MAP4: variants seen among roughly 807,000 people sequenced by gnomAD.
The protein encoded by MAP4 is microtubule-associated protein 4.
MAP4 carries 76 observed loss-of-function variants against 170.2 expected under a neutral mutation model. The ratio of observed to expected loss-of-function variants is 0.45; its 90% confidence interval spans 0.37 to 0.54. The LOEUF (loss-of-function observed/expected upper bound fraction) is 0.54. Ranked by LOEUF, MAP4 falls within the 20% of genes least tolerant of loss-of-function variation. The pLI is 0.00. For missense variants in MAP4, 2,506 were observed against 2,748.0 expected, an observed-to-expected ratio of 0.91 and a Z score of 1.97; for synonymous variants, 909 against 994.5, an observed-to-expected ratio of 0.91 and a Z score of 1.62.
chr3:48,003,201 T>C (rs541814435), intron 1 of MAP4, among the ~76,000 whole-genome samples: 1 of 152,004 alleles, frequency 6.6e-6, no homozygotes, highest in South Asian at 2.1e-4. Flanking sequence ...ACACCTGTAA[T>C]CCCAGCACTT....
At chr3:48,003,751 G>A (rs2100100613) in intron 1 of MAP4, among the ~76,000 whole-genome samples, 1 of 152,158 alleles carries the variant, frequency 6.6e-6, no homozygotes, top group South Asian at 2.1e-4. Context: ...GATCCTGGGT[G>A]TGTCTGTGAG....
At chr3:48,007,215 G>A (rs984409801) in intron 1 of MAP4, among the ~76,000 whole-genome samples, 1 of 152,184 alleles carries the variant, frequency 6.6e-6, no homozygotes, top group African/African-American at 2.4e-5. Flanking sequence ...AAATAAATCC[G>A]ACTAAAATTC....
At position 48,025,376 on chromosome 3, in the gene MAP4, C is replaced by T. The variant is rs150828718; in HGVS notation, c.-19-26497G>A. Among the ~76,000 whole-genome samples the T allele has an allele frequency of 3.9e-3, 584 of 151,060 alleles. 6 individuals carry two copies. Among genetic ancestry groups the T allele is most frequent in the African/African-American group, 0.014 (567 of 41,066 alleles). On this transcript the variant is annotated intron_variant, in intron 1 of 18. Transcript: ENST00000360240. Reference sequence around the variant, plus strand: ...CGATCTCGGCTCACTGCCACCTCTGCCTCCTGGGTTCAAGTAATTCTCATG... The same window carrying T: ...CGATCTCGGCTCACTGCCACCTCTGTCTCCTGGGTTCAAGTAATTCTCATG...
At chr3:47,903,178 A>C (rs1402908866) in intron 9 of MAP4, among the ~76,000 whole-genome samples, 178 bp from the exon 10 acceptor site, 1 of 152,174 alleles carries the variant, frequency 6.6e-6, no homozygotes, top group Non-Finnish European at 1.5e-5. Context: ...GGGTATTGGA[A>C]TCTAATGTGG....
intron 4 of MAP4, among the ~76,000 whole-genome samples, chr3:47,923,659 C>T (rs1377918074): frequency 2.0e-5 from 3 of 148,604 alleles, no homozygotes; most frequent in Admixed American, 6.8e-5. Flanking sequence ...TTTCAAAAAA[C>T]GGAAAAATTA....
At chr3:47,861,846 G>A (rs954975308) in intron 17 of MAP4, among the ~76,000 whole-genome samples, 3 of 151,572 alleles carry the variant, frequency 2.0e-5, no homozygotes, top group African/African-American at 4.8e-5. Context: ...GCCACAGAGT[G>A]AGACTTTGTC....
intron 1 of MAP4, among the ~76,000 whole-genome samples, chr3:48,087,465 A>C (rs1180334096): frequency 1.3e-5 from 2 of 152,078 alleles, no homozygotes; most frequent in African/African-American, 4.8e-5. Flanking sequence ...GTTACCCCAA[A>C]GGCCTAGAGC....
At chr3:47,953,993 G>A (rs1368165847) in intron 3 of MAP4, among the ~76,000 whole-genome samples, 1 of 151,348 alleles carries the variant, frequency 6.6e-6, no homozygotes, top group African/African-American at 2.4e-5. Flanking sequence ...CAGCCTGGGT[G>A]ACAGAGTGAG....
chr3:47,893,036 A>G (rs898123999), intron 10 of MAP4, among the ~76,000 whole-genome samples: 1 of 151,922 alleles, frequency 6.6e-6, no homozygotes, highest in East Asian at 1.9e-4. Flanking sequence ...TAAAAAAAAA[A>G]AAAAAAAACC....
At chr3:47,966,182 T>C (rs1208641106) in intron 3 of MAP4, among the ~76,000 whole-genome samples, 4 of 141,128 alleles carry the variant, frequency 2.8e-5, no homozygotes, top group African/African-American at 1.0e-4. Context: ...CAAAGGATCC[T>C]CCTGCCTCAG....
chr3:48,005,038 G>A (rs2100101431), intron 1 of MAP4, among the ~76,000 whole-genome samples: 1 of 152,172 alleles, frequency 6.6e-6, no homozygotes. Context: ...TTGAGAGTGT[G>A]ACCCAGGAGG....
chr3:47,901,665 C>G (rs1328919045), intron 10 of MAP4, among the ~76,000 whole-genome samples: 1 of 150,764 alleles, frequency 6.6e-6, no homozygotes, highest in African/African-American at 2.4e-5. Flanking sequence ...CTGAGCAAGA[C>G]CCTATTTAAA....
At chr3:48,038,662 G>T (rs1203751032) in intron 1 of MAP4, among the ~76,000 whole-genome samples, 1 of 152,016 alleles carries the variant, frequency 6.6e-6, no homozygotes, top group African/African-American at 2.4e-5. Context: ...GGGTTTCACC[G>T]TGTTAGCCAG....
At chr3:48,034,519 A>C (rs758755131) in intron 1 of MAP4, among the ~76,000 whole-genome samples, 6 of 151,978 alleles carry the variant, frequency 3.9e-5, no homozygotes, top group Non-Finnish European at 8.8e-5. Flanking sequence ...CCTGGCCAAC[A>C]TAGTGAAACC....
At chr3:47,895,637 A>G (rs2100026437) in intron 10 of MAP4, among the ~76,000 whole-genome samples, 1 of 152,194 alleles carries the variant, frequency 6.6e-6, no homozygotes, top group African/African-American at 2.4e-5. Flanking sequence ...TAGCCAAATT[A>G]TTTTTAGTTC....
intron 3 of MAP4, chr3:47,975,534 C>A: frequency 2.0e-6 from 2 of 987,424 alleles, no homozygotes; most frequent in South Asian, 2.8e-5. Context: ...AAGCACAGGT[C>A]ATTAGTAAAC....
chr3:47,936,423 C>T (rs1390686770), intron 3 of MAP4, among the ~76,000 whole-genome samples: 1 of 150,704 alleles, frequency 6.6e-6, no homozygotes, highest in Non-Finnish European at 1.5e-5. Flanking sequence ...CAGAGCAAAA[C>T]TCTGTCTTAA....
chr3:47,926,660 G>A (rs767298537), intron 4 of MAP4, among the ~76,000 whole-genome samples: 15 of 152,056 alleles, frequency 9.9e-5, no homozygotes, highest in Non-Finnish European at 1.9e-4. Context: ...CCAGCCTCCC[G>A]AGTAGCTAGG....
intron 1 of MAP4, among the ~76,000 whole-genome samples, chr3:48,006,567 C>T (rs1484452864): frequency 4.6e-5 from 7 of 152,162 alleles, no homozygotes; most frequent in Non-Finnish European, 2.9e-5. Flanking sequence ...ACACTGGCTC[C>T]CTGACTGCTA....
Sources: allele counts gnomAD v4.1 joint callset (sites outside exome capture counted in the v4.1 genomes callset), GRCh38; gene constraint gnomAD v4.1.1; transcripts MANE v1.5; gene names NCBI Gene and HGNC (gene_info 2026-07-23, HGNC 2026-07-21).